MACF1: variants seen among roughly 807,000 people sequenced by gnomAD.
MACF1 encodes the protein microtubule-actin cross-linking factor 1.
MACF1 carries 193 observed loss-of-function variants against 854.8 expected under a neutral mutation model. That is an observed-to-expected ratio of 0.23 (90% CI 0.20 to 0.25). The LOEUF (loss-of-function observed/expected upper bound fraction) is 0.25, where lower values mean the gene tolerates loss of function less well. Among genes scored for constraint, MACF1 ranks in the 10% least tolerant of loss-of-function variants. MACF1 has a pLI of 1.00. For missense variants in MACF1, 7,722 were observed against 8,929.1 expected (o/e 0.86, Z 5.45); for synonymous variants, 3,185 against 3,226.7 (o/e 0.99, Z 0.44).
At chr1:39,228,128 T>C (rs1432334256) in intron 1 of MACF1, among the ~76,000 whole-genome samples, 1 of 152,158 alleles carries the variant, frequency 6.6e-6, no homozygotes, top group Admixed American at 6.5e-5. Context: ...CTGGCCCATA[T>C]GGTGAAACCC....
chr1:39,194,705 T>G, intron 2 of MACF1, among the ~76,000 whole-genome samples: 1 of 122,948 alleles, frequency 8.1e-6, no homozygotes, highest in East Asian at 3.2e-4. Flanking sequence ...TCCCCTCCCT[T>G]CCCTTCTCTA....
upstream of MACF1, among the ~76,000 whole-genome samples, chr1:39,202,935 A>G (rs545893461): frequency 6.6e-6 from 1 of 152,170 alleles, no homozygotes; most frequent in African/African-American, 2.4e-5. Flanking sequence ...AAAAGTTCCC[A>G]TTGTATTAGT....
intron 1 of MACF1, among the ~76,000 whole-genome samples, chr1:39,217,590 C>G (rs1414377055): frequency 1.3e-5 from 2 of 152,096 alleles, no homozygotes; most frequent in African/African-American, 2.4e-5. Flanking sequence ...AAAACAGACT[C>G]TAAATCAGCC....
chr1:39,324,472 C>G, intron 34 of MACF1, 127 bp downstream of exon 34: 9 of 1,251,884 alleles, frequency 7.2e-6, no homozygotes, highest in Non-Finnish European at 9.9e-6. Context: ...GTTAAAGAAA[C>G]TTAAGAAGCC....
chr1:39,167,887 AGAG>A (rs1335802696), intron 2 of MACF1, among the ~76,000 whole-genome samples: 6 of 139,922 alleles, frequency 4.3e-5, no homozygotes, highest in African/African-American at 1.6e-4. Context: ...AAAAAAAAAA[AGAG>A]AGAGAGAGAA....
At chr1:39,219,824 C>T (rs1644627052) in intron 1 of MACF1, among the ~76,000 whole-genome samples, 1 of 152,138 alleles carries the variant, frequency 6.6e-6, no homozygotes, top group South Asian at 2.1e-4. Flanking sequence ...CATCTCAGCT[C>T]ACTGCAACCT....
chr1:39,136,568 G>A (rs564638168), intron 2 of MACF1, among the ~76,000 whole-genome samples: 121 of 152,194 alleles, frequency 8.0e-4, no homozygotes, highest in African/African-American at 2.8e-3. Flanking sequence ...ATAGAGACAC[G>A]TCACCTCAGT....
chr1:39,438,129 G>GT, intron 71 of MACF1, 121 bp downstream of exon 71: 1 of 870,128 alleles, frequency 1.1e-6, no homozygotes, highest in Non-Finnish European at 1.7e-6. Flanking sequence ...CCAGTAATGA[G>GT]TATTCCAGAA....
chr1:39,485,508 T>TA, intron 100 of MACF1, 30 bp from the exon 101 acceptor site: 2 of 1,579,860 alleles, frequency 1.3e-6, no homozygotes, highest in Non-Finnish European at 1.7e-6. Flanking sequence ...CCATCTCTAT[T>TA]AAGTCTGCTG....
At chr1:39,117,877 C>A (rs553656222) in intron 2 of MACF1, among the ~76,000 whole-genome samples, 1 of 152,272 alleles carries the variant, frequency 6.6e-6, no homozygotes, top group Non-Finnish European at 1.5e-5. Context: ...TAGAAGATAT[C>A]CTAAAAAGAC....
chr1:39,414,209 C>T (rs1433583645), intron 58 of MACF1: 5 of 1,613,862 alleles, frequency 3.1e-6, no homozygotes, highest in Non-Finnish European at 4.2e-6. Context: ...TCAGTGCCCA[C>T]CCCAGAGGTG....
chr1:39,438,804 C>T (rs1164856906), intron 71 of MACF1, among the ~76,000 whole-genome samples: 5 of 149,642 alleles, frequency 3.3e-5, no homozygotes, highest in East Asian at 2.0e-4. Flanking sequence ...AATAATAGGC[C>T]GGGTGTGGTG....
chr1:39,232,754 T>TTG (rs1553174804), intron 2 of MACF1, among the ~76,000 whole-genome samples: 2 of 58,328 alleles, frequency 3.4e-5, no homozygotes, highest in South Asian at 9.2e-4. Flanking sequence ...TTGTTTTTTT[T>TTG]TTTTTTTTTT....
chr1:39,261,815 A>T (rs916624015), intron 6 of MACF1, among the ~76,000 whole-genome samples: 1 of 152,206 alleles, frequency 6.6e-6, no homozygotes, highest in Non-Finnish European at 1.5e-5. Flanking sequence ...ATACATGTAT[A>T]TACCTAGGAA....
rs775798385 is a variant in MACF1, at chr1:39,285,660, G to A, written c.1410G>A (p.Met470Ile). 6 of 1,613,958 alleles carry A rather than the reference G, an allele frequency of 3.7e-6. No individual in the cohort carries two copies. The highest frequency in any genetic ancestry group is 1.7e-5 in the Admixed American group (1 of 59,994). ...QPVQCESDVIMYIQECEGLIR... is the reference protein window; with the variant it reads ...QPVQCESDVIIYIQECEGLIR... ...TACAATGTGAGTCAGATGTCATTAT[G>A]TACATTCAGGAGTGTGAAGGTCTCA... Residue 470 changes from methionine to isoleucine, a missense_variant, in exon 14 of 101, where the codon ATG (methionine) becomes ATA (isoleucine). By Grantham distance (10) the Met-to-Ile change is conservative. Around this residue, in one of 15 missense-constraint regions of MACF1, gnomAD observed 1,137 missense variants for 1,263.0 expected, o/e 0.90. Transcript: ENST00000564288.
At chr1:39,349,651 G>T in intron 42 of MACF1, 24 bp downstream of exon 42, 1 of 1,611,612 alleles carries the variant, frequency 6.2e-7, no homozygotes, top group Non-Finnish European at 8.5e-7. Context: ...TGTCAATTTT[G>T]ACACAAAGTC....
rs1642126104 is a variant in MACF1 at position 39,102,799 on chromosome 1, C to T, written c.220+18361C>T. On this transcript the variant is annotated intron_variant, in intron 2 of 93. Transcript: ENST00000361689. Reference sequence around the variant, plus strand: ...ATCAGGAGCAAAAGAAAATCAAAGACCAAAAGGAGAAAGCCTCAGAGCTTT... The same window carrying T: ...ATCAGGAGCAAAAGAAAATCAAAGATCAAAAGGAGAAAGCCTCAGAGCTTT... 4.3e-6 allele frequency: 3 copies of T among 702,462 alleles called. No homozygotes were observed. In the African/African-American group the frequency reaches 5.2e-5, roughly 12 times the overall value. 43.5% of individuals were successfully genotyped at this position (702,462 alleles called of 1,614,324 possible).
Position 39,240,918 on chromosome 1 carries a change from T to C in MACF1, c.172-9096T>C, listed in dbSNP as rs551318398. Reference sequence around the variant, plus strand: ...AAACAGAGATATGATAAAATTCTTATATGCAAAGAACCTCACACTTTGTTC... The same window carrying C: ...AAACAGAGATATGATAAAATTCTTACATGCAAAGAACCTCACACTTTGTTC... On this transcript the variant is annotated intron_variant, in intron 2 of 100. Coordinates refer to ENST00000564288, the MANE Select transcript of MACF1 (RefSeq NM_001394062.1). Among the ~76,000 whole-genome samples, 7 of 152,352 alleles carry C rather than the reference T, an allele frequency of 4.6e-5. No individual in the cohort carries two copies. The South Asian group carries it at 1.5e-3, about 32-fold the overall frequency.
intron 49 of MACF1, among the ~76,000 whole-genome samples, chr1:39,364,843 A>C (rs1648549992): frequency 6.6e-6 from 1 of 152,106 alleles, no homozygotes; most frequent in African/African-American, 2.4e-5. Context: ...TATTTTATTA[A>C]ATATGTATTT....
Sources: gnomAD v4.1 joint callset for allele counts (sites outside exome capture counted in the v4.1 genomes callset) on GRCh38, gnomAD v4.1.1 for gene constraint, gnomAD v4.1.1 regional missense constraint, MANE v1.5 for transcripts, NCBI Gene and HGNC (gene_info 2026-07-23, HGNC 2026-07-21) for gene names.